PDHX: variants seen among roughly 807,000 people sequenced by gnomAD.
The protein encoded by PDHX is pyruvate dehydrogenase complex component X.
In PDHX, 33 loss-of-function variants were observed where a neutral mutation model predicts 55.3. That is an observed-to-expected ratio of 0.60 (90% CI 0.45 to 0.80). The LOEUF (loss-of-function observed/expected upper bound fraction) is 0.80, where lower values mean the gene tolerates loss of function less well. Among genes scored for constraint, PDHX ranks in the 30% least tolerant of loss-of-function variants. The pLI is 0.00. For synonymous variants in PDHX, 226 were observed against 219.4 expected (o/e 1.03, Z -0.27); for missense variants, 622 against 619.9 (o/e 1.00, Z -0.04).
At chr11:34,984,080 T>C (rs540470721) in intron 8 of PDHX, among the ~76,000 whole-genome samples, 1 of 152,276 alleles carries the variant, frequency 6.6e-6, no homozygotes, top group African/African-American at 2.4e-5. Flanking sequence ...AACAGAGATA[T>C]AGACCAATGG....
chr11:34,964,328 G>T (rs1470846013), intron 5 of PDHX, among the ~76,000 whole-genome samples: 3 of 152,102 alleles, frequency 2.0e-5, no homozygotes. Context: ...AAAAGACCAG[G>T]TGCAGTGACT....
At chr11:34,991,751 A>G (rs991635163) in intron 9 of PDHX, among the ~76,000 whole-genome samples, 1 of 151,972 alleles carries the variant, frequency 6.6e-6, no homozygotes, top group Non-Finnish European at 1.5e-5. Context: ...TCTACTAAAA[A>G]TATAAAAAAT....
At chr11:34,975,215 A>T (rs892565448) in intron 7 of PDHX, among the ~76,000 whole-genome samples, 1 of 151,884 alleles carries the variant, frequency 6.6e-6, no homozygotes. Flanking sequence ...TGGCTATTGT[A>T]TGCCTAGATT....
chr11:34,977,280 T>C (rs1439801219), intron 7 of PDHX, among the ~76,000 whole-genome samples: 1 of 152,192 alleles, frequency 6.6e-6, no homozygotes, highest in Non-Finnish European at 1.5e-5. Context: ...CTATAAGCTC[T>C]TGCAAGAAAG....
At chr11:34,938,233 T>C (rs1046824953) in intron 2 of PDHX, among the ~76,000 whole-genome samples, 1 of 151,838 alleles carries the variant, frequency 6.6e-6, no homozygotes, top group Non-Finnish European at 1.5e-5. Flanking sequence ...ATATGAAGGG[T>C]AAAATGAAAA....
At chr11:34,936,920 C>G (rs111738305) in intron 2 of PDHX, among the ~76,000 whole-genome samples, 33,406 of 151,622 alleles carry the variant, frequency 0.22, 4,881 homozygotes, top group Non-Finnish European at 0.34. Context: ...TCCCAAGTAG[C>G]TGGGACTACA....
At chr11:34,972,111 GAT>G (rs1217675589) in intron 7 of PDHX, among the ~76,000 whole-genome samples, 1 of 151,646 alleles carries the variant, frequency 6.6e-6, no homozygotes, top group Non-Finnish European at 1.5e-5. Flanking sequence ...TTACTCTCTA[GAT>G]CACTCTGACT....
intron 6 of PDHX, among the ~76,000 whole-genome samples, chr11:34,967,205 A>G (rs922878622): frequency 3.3e-5 from 5 of 152,144 alleles, no homozygotes; most frequent in African/African-American, 4.8e-5. Flanking sequence ...AACAATTACT[A>G]TGTGTTTTAA....
chr11:34,992,533 G>A (rs1030537995), intron 10 of PDHX, among the ~76,000 whole-genome samples, 154 bp downstream of exon 10: 2 of 152,106 alleles, frequency 1.3e-5, no homozygotes, highest in African/African-American at 2.4e-5. Flanking sequence ...AAATTCTTCA[G>A]ACTAGTCAGG....
intron 3 of PDHX, among the ~76,000 whole-genome samples, chr11:34,951,489 G>T (rs1289715646): frequency 6.6e-6 from 1 of 152,146 alleles, no homozygotes; most frequent in Non-Finnish European, 1.5e-5. Flanking sequence ...CTGCATAAAT[G>T]TCTTCTTTTG....
chr11:34,983,374 T>C (rs981127093), intron 8 of PDHX, among the ~76,000 whole-genome samples: 2 of 152,196 alleles, frequency 1.3e-5, no homozygotes, highest in African/African-American at 4.8e-5. Flanking sequence ...AAGGCAGAGA[T>C]GCTCTCTCTC....
intron 2 of PDHX, among the ~76,000 whole-genome samples, chr11:34,936,096 T>C (rs1854302258): frequency 6.6e-6 from 1 of 152,158 alleles, no homozygotes; most frequent in African/African-American, 2.4e-5. Context: ...AAGTATTTAC[T>C]TGAGAACACT....
chr11:34,979,918 AT>A (rs1252208134), intron 8 of PDHX, among the ~76,000 whole-genome samples: 1 of 151,490 alleles, frequency 6.6e-6, no homozygotes, highest in East Asian at 1.9e-4. Flanking sequence ...ACATTTCAAT[AT>A]TATAAATTTT....
chr11:34,988,187 A>G (rs776309382), intron 9 of PDHX, among the ~76,000 whole-genome samples: 1 of 152,242 alleles, frequency 6.6e-6, no homozygotes, highest in African/African-American at 2.4e-5. Flanking sequence ...GTTTAAAGAC[A>G]TGCAAGTTCT....
chr11:34,924,310 C>T (rs992274778), intron 1 of PDHX, among the ~76,000 whole-genome samples: 2 of 152,134 alleles, frequency 1.3e-5, no homozygotes, highest in African/African-American at 4.8e-5. Context: ...GGGGCGGTCT[C>T]GGCTCACTGC....
At chr11:34,982,794 T>A (rs9667504) in intron 8 of PDHX, among the ~76,000 whole-genome samples, 2 of 151,792 alleles carry the variant, frequency 1.3e-5, no homozygotes, top group African/African-American at 4.8e-5. Flanking sequence ...GCTTACCAAC[T>A]AAAAAAAGTC....
At chr11:34,918,239 C>A (rs1372414349) in intron 1 of PDHX, among the ~76,000 whole-genome samples, 2 of 150,984 alleles carry the variant, frequency 1.3e-5, no homozygotes, top group Non-Finnish European at 2.9e-5. Context: ...GAGTTGGAGA[C>A]CAGCCCGGGC....
chr11:34,916,134 G>C (rs35924042), upstream of PDHX: 51 of 1,499,308 alleles, frequency 3.4e-5, no homozygotes, highest in African/African-American at 6.2e-4. Context: ...GCAGCTAAAC[G>C]CCCGGCCCGC....
intron 9 of PDHX, among the ~76,000 whole-genome samples, chr11:34,987,816 T>C (rs892481267): frequency 2.6e-5 from 4 of 152,198 alleles, no homozygotes; most frequent in South Asian, 2.1e-4. Context: ...CAAGATTATA[T>C]TGAATTCAGC....
Sources: gnomAD v4.1 joint callset for allele counts (sites outside exome capture counted in the v4.1 genomes callset) on GRCh38, gnomAD v4.1.1 for gene constraint, MANE v1.5 for transcripts, NCBI Gene and HGNC (gene_info 2026-07-23, HGNC 2026-07-21) for gene names.